The following RAD50 variants were observed in gnomAD, a reference collection of about 807,000 sequenced individuals.
RAD50 encodes the protein DNA repair protein RAD50.
Under a neutral mutation model 168.8 loss-of-function variants are expected in RAD50, and 132 were observed. The observed-to-expected ratio is 0.78, with a 90% CI of 0.68 to 0.90. The LOEUF is 0.90. Ranked by LOEUF, RAD50 falls within the 40% of genes least tolerant of loss-of-function variation. The probability of loss-of-function intolerance (pLI) is 0.00; values close to 1 mark genes in which losing one functional copy is unlikely to be tolerated. For missense variants in RAD50, 1,347 were observed against 1,534.4 expected (o/e 0.88, Z 2.04); for synonymous variants, 525 against 497.4 (o/e 1.06, Z -0.74).
intron 21 of RAD50, among the ~76,000 whole-genome samples, chr5:132,624,569 T>G: frequency 6.6e-6 from 1 of 152,274 alleles, no homozygotes; most frequent in African/African-American, 2.4e-5. Context: ...TATAGTTTAT[T>G]TGAAGAGACA....
rs1060501923 is a variant in RAD50, at chr5:132,618,270, ATATT to A, written c.3370_3373del (p.Tyr1124IlefsTer8). The A allele has an allele frequency of 6.2e-7, 1 of 1,613,940 alleles. No individual in the cohort carries two copies. The highest frequency in any genetic ancestry group is 8.5e-7 in the Non-Finnish European group (1 of 1,179,982). ...ACAGAACTTGTGAACAAGGATCTGGATATTTATTATAAGACTCTTGACCAGTAAG... is the reference window on the plus strand; with the variant it reads ...ACAGAACTTGTGAACAAGGATCTGGATATTATAAGACTCTTGACCAGTAAG... On this transcript the variant is annotated frameshift_variant, in exon 21 of 25. Coordinates refer to ENST00000378823, the MANE Select transcript of RAD50 (RefSeq NM_005732.4). LOFTEE classifies it high-confidence loss of function.
chr5:132,577,134 A>C (rs1355865978), intron 3 of RAD50, among the ~76,000 whole-genome samples: 2 of 152,210 alleles, frequency 1.3e-5, no homozygotes, highest in Admixed American at 1.3e-4. Flanking sequence ...GGAGGCTCTA[A>C]GGGAGAATAT....
Position 132,638,166 on chromosome 5 carries a change from G to A in RAD50, c.3561G>A (p.Val1187=), listed in dbSNP as rs772962371. The A allele has an allele frequency of 8.1e-6, 13 of 1,614,090 alleles. No individual in the cohort carries two copies. In the East Asian group the frequency reaches 2.9e-4, roughly 36 times the overall value. ...DKRRNYNYRV[V]MLKGDTALDM... Reference sequence around the variant, plus strand: ...GGCGGAATTATAACTACCGAGTGGTGATGCTGAAGGGAGACACAGCCTTGG... The same window carrying A: ...GGCGGAATTATAACTACCGAGTGGTAATGCTGAAGGGAGACACAGCCTTGG... The change falls in exon 23 of 25, where the codon GTG becomes GTA. Residue 1187 remains valine, a synonymous_variant. Coordinates refer to ENST00000378823, the MANE Select transcript of RAD50 (RefSeq NM_005732.4).
At chr5:132,631,138 T>TTTTTCTTTTTTTTGTTTTTTTTTCC (rs1554100511) in intron 21 of RAD50, among the ~76,000 whole-genome samples, 1 of 150,148 alleles carries the variant, frequency 6.7e-6, no homozygotes. Flanking sequence ...TTTTTTTTTT[T>TTTTTCTTTTTTTTGTTTTTTTTTCC]AAGACAGAGT....
At chr5:132,572,024 G>A (rs1380568093) in intron 2 of RAD50, among the ~76,000 whole-genome samples, 2 of 152,142 alleles carry the variant, frequency 1.3e-5, no homozygotes, top group Non-Finnish European at 2.9e-5. Context: ...ATTCTGAACT[G>A]AATCCTTTTG....
intron 19 of RAD50, among the ~76,000 whole-genome samples, chr5:132,611,610 G>T (rs990068021): frequency 6.6e-6 from 1 of 150,628 alleles, no homozygotes; most frequent in African/African-American, 2.5e-5. Flanking sequence ...GGAAGCTGAG[G>T]CAGGAGAATG....
At position 132,594,860 on chromosome 5, in the gene RAD50, T is replaced by C. The variant is rs1060504397; in HGVS notation, c.1794-9T>C. 6.3e-7 allele frequency: 1 copy of C among 1,595,326 alleles called. No homozygotes were observed. Among genetic ancestry groups the C allele is most frequent in the Non-Finnish European group, 8.6e-7 (1 of 1,163,582 alleles). On this transcript the variant is annotated splice_polypyrimidine_tract_variant and intron_variant, in intron 11 of 24. Transcript: ENST00000378823. ...TTAAAATGAAAATCCATATTTGCTC[T>C]TATTTTAGCAAGGAACTAGCTTCAT... is the stretch of plus-strand genomic sequence containing the variant.
rs1554099865 is a variant in RAD50, at chr5:132,618,102, A to G, written c.3197A>G (p.Asn1066Ser). Residue 1066 changes from asparagine to serine, a missense_variant, in exon 21 of 25, where the codon AAT becomes AGT. Around this residue, in one of 3 missense-constraint regions of RAD50, gnomAD observed 635 missense variants for 739.2 expected, o/e 0.86. Coordinates refer to ENST00000378823, the MANE Select transcript of RAD50 (RefSeq NM_005732.4). ...EHQKLEENIDNIKRNHNLALG... is the reference protein window; with the variant it reads ...EHQKLEENIDSIKRNHNLALG... ...CAGAAGTTGGAAGAGAACATAGACA[A>G]TATAAAAAGAAATCATAATTTGGCA... 6.2e-7 allele frequency: 1 copy of G among 1,613,510 alleles called. No homozygotes were observed. The highest frequency in any genetic ancestry group is 8.5e-7 in the Non-Finnish European group (1 of 1,179,732).
chr5:132,591,070 A>G (rs376459172), intron 9 of RAD50, among the ~76,000 whole-genome samples, 154 bp from the exon 10 acceptor site: 174 of 152,108 alleles, frequency 1.1e-3, no homozygotes, highest in African/African-American at 4.1e-3. Context: ...ACCTTAGAGC[A>G]TATATAGTGC....
intron 21 of RAD50, among the ~76,000 whole-genome samples, chr5:132,622,135 C>A (rs530901427): frequency 6.6e-6 from 1 of 151,310 alleles, no homozygotes; most frequent in African/African-American, 2.4e-5. Flanking sequence ...CTATTTTGTT[C>A]TTTTTCAGAA....
chr5:132,563,162 T>C (rs1246966256), intron 2 of RAD50, among the ~76,000 whole-genome samples: 1 of 152,212 alleles, frequency 6.6e-6, no homozygotes, highest in East Asian at 1.9e-4. Flanking sequence ...TTTGTTGTTG[T>C]TGTTTTATTG....
intron 2 of RAD50, among the ~76,000 whole-genome samples, chr5:132,564,570 A>G (rs1361134689): frequency 6.6e-6 from 1 of 152,250 alleles, no homozygotes; most frequent in Non-Finnish European, 1.5e-5. Flanking sequence ...TTATATTTAA[A>G]AGGGAAGCAG....
chr5:132,587,892 A>G (rs1408492443), intron 6 of RAD50, 32 bp from the exon 7 acceptor site: 2 of 1,604,028 alleles, frequency 1.2e-6, no homozygotes, highest in Admixed American at 1.7e-5. Context: ...TTATGTTTGT[A>G]CATTAAAGCT....
intron 11 of RAD50, among the ~76,000 whole-genome samples, chr5:132,594,139 A>C (rs1750749191): frequency 6.6e-6 from 1 of 152,220 alleles, no homozygotes; most frequent in African/African-American, 2.4e-5. Context: ...ATGATGAAGA[A>C]GCATGTGTGC....
intron 21 of RAD50, among the ~76,000 whole-genome samples, chr5:132,619,567 A>G (rs887742364): frequency 1.2e-4 from 18 of 151,544 alleles, no homozygotes; most frequent in Admixed American, 9.2e-4. Flanking sequence ...TCCTGGCCCT[A>G]TTGGTCTTTT....
At chr5:132,637,349 A>T (rs1490345623) in intron 22 of RAD50, 149 bp downstream of exon 22, 22 of 1,433,468 alleles carry the variant, frequency 1.5e-5, no homozygotes, top group Non-Finnish European at 2.1e-5. Flanking sequence ...TCTTGGCAAC[A>T]TCTTGTAGCA....
intron 7 of RAD50, 98 bp downstream of exon 7, chr5:132,588,187 C>T (rs1750631116): frequency 2.9e-6 from 4 of 1,394,646 alleles, no homozygotes; most frequent in African/African-American, 1.4e-5. Flanking sequence ...GAGTGAAAAG[C>T]CAATCTTAAA....
At position 132,646,092 on chromosome 5, in the gene RAD50, C is replaced by CAAAAAAAAAA. The variant is rs757145249; in HGVS notation, c.*3740_*3749dup. The CAAAAAAAAAA allele has an allele frequency of 3.5e-3, 268 of 76,946 alleles. 6 individuals are homozygous for CAAAAAAAAAA. Among genetic ancestry groups the CAAAAAAAAAA allele is most frequent in the East Asian group, 3.8e-3 (9 of 2,392 alleles). The allele number at this position is 76,946 out of a possible 1,614,324, so 4.8% of individuals were successfully genotyped here. A position where few individuals can be genotyped will look rare whatever the true frequency, so the allele number is the denominator to read the frequency against. On this transcript the variant is annotated 3_prime_UTR_variant, in exon 25 of 25. Coordinates refer to ENST00000378823, the MANE Select transcript of RAD50 (RefSeq NM_005732.4). ...CAGAGTGAGACCCTGTCTAAAAAGA[C>CAAAAAAAAAA]AAAAAAAAAAAAAAAAAAAAAGCAG...
At chr5:132,581,039 T>C (rs1038349289) in intron 5 of RAD50, among the ~76,000 whole-genome samples, 20 of 152,122 alleles carry the variant, frequency 1.3e-4, no homozygotes, top group African/African-American at 4.8e-4. Context: ...GAGGTGGGCC[T>C]TGAAGAATGG....
Sources: allele counts gnomAD v4.1 joint callset (sites outside exome capture counted in the v4.1 genomes callset), GRCh38; gene constraint gnomAD v4.1.1; regional missense constraint gnomAD v4.1.1; transcripts MANE v1.5; gene names NCBI Gene and HGNC (gene_info 2026-07-23, HGNC 2026-07-21).